The following ERBB4 variants were observed in gnomAD, a reference collection of about 807,000 sequenced individuals.
The protein encoded by ERBB4 is receptor tyrosine-protein kinase erbB-4.
Under a neutral mutation model 158.0 loss-of-function variants are expected in ERBB4, and 42 were observed. The observed-to-expected ratio is 0.27, with a 90% confidence interval of 0.21 to 0.34. ERBB4 has a LOEUF of 0.34. Ranked by LOEUF, ERBB4 falls within the 10% of genes least tolerant of loss-of-function variation. The probability of loss-of-function intolerance (pLI) is 1.00; values close to 1 mark genes in which losing one functional copy is unlikely to be tolerated. For synonymous variants in ERBB4, 583 were observed against 558.7 expected (o/e 1.04, Z -0.61); for missense variants, 1,333 against 1,624.1 (o/e 0.82, Z 3.08).
At chr2:211,859,911 T>A (rs192414764) in intron 3 of ERBB4, among the ~76,000 whole-genome samples, 1 of 152,270 alleles carries the variant, frequency 6.6e-6, no homozygotes, top group East Asian at 1.9e-4. Flanking sequence ...CTATTTCTGG[T>A]AGAAAAACCA....
intron 25 of ERBB4, among the ~76,000 whole-genome samples, chr2:211,401,552 G>A (rs1341160281): frequency 1.3e-5 from 2 of 152,074 alleles, no homozygotes; most frequent in African/African-American, 4.8e-5. Context: ...CCTTTGTAGA[G>A]AAAGTTGACA....
chr2:211,979,075 G>A (rs2081716047), intron 2 of ERBB4, among the ~76,000 whole-genome samples: 1 of 152,134 alleles, frequency 6.6e-6, no homozygotes. Flanking sequence ...CAACGTAGAT[G>A]CTCATATCAC....
At chr2:211,552,466 A>C (rs766020570) in intron 20 of ERBB4, among the ~76,000 whole-genome samples, 2 of 152,136 alleles carry the variant, frequency 1.3e-5, no homozygotes, top group Non-Finnish European at 2.9e-5. Context: ...TTAATCAGGT[A>C]ATCTGTGAAT....
intron 1 of ERBB4, among the ~76,000 whole-genome samples, chr2:212,199,284 T>G (rs1359909868): frequency 1.3e-5 from 2 of 152,210 alleles, no homozygotes; most frequent in African/African-American, 4.8e-5. Context: ...ATTGTTCTAT[T>G]TATCTATTTC....
chr2:211,476,138 A>G (rs570082588), intron 20 of ERBB4, among the ~76,000 whole-genome samples: 51 of 152,212 alleles, frequency 3.4e-4, no homozygotes, highest in African/African-American at 1.1e-3. Context: ...TTAGAACTTC[A>G]GCTGAAGAGA....
chr2:212,104,665 T>G (rs1220407019), intron 2 of ERBB4, among the ~76,000 whole-genome samples: 1 of 152,098 alleles, frequency 6.6e-6, no homozygotes, highest in Non-Finnish European at 1.5e-5. Flanking sequence ...CAAACCATGC[T>G]TAGACACTGG....
At chr2:211,577,702 G>C (rs2067933051) in intron 19 of ERBB4, among the ~76,000 whole-genome samples, 1 of 151,910 alleles carries the variant, frequency 6.6e-6, no homozygotes, top group African/African-American at 2.4e-5. Context: ...CAGATCTAAA[G>C]ACAAAAACCA....
chr2:212,439,703 G>C (rs551953686), intron 1 of ERBB4, among the ~76,000 whole-genome samples: 1 of 151,954 alleles, frequency 6.6e-6, no homozygotes, highest in Non-Finnish European at 1.5e-5. Context: ...GAAAGTTTTT[G>C]GTTTAATAAA....
At chr2:211,466,579 G>A (rs561281046) in intron 20 of ERBB4, among the ~76,000 whole-genome samples, 1 of 152,210 alleles carries the variant, frequency 6.6e-6, no homozygotes, top group South Asian at 2.1e-4. Context: ...AGTTCAGTAT[G>A]CCTGAAACAC....
intron 20 of ERBB4, among the ~76,000 whole-genome samples, chr2:211,459,587 C>A (rs2064475795): frequency 6.6e-6 from 1 of 152,122 alleles, no homozygotes; most frequent in South Asian, 2.1e-4. Flanking sequence ...GTGAATAAAT[C>A]TCACGAGGTC....
chr2:211,479,103 G>C (rs1029821064), intron 20 of ERBB4, among the ~76,000 whole-genome samples: 1 of 152,068 alleles, frequency 6.6e-6, no homozygotes, highest in African/African-American at 2.4e-5. Flanking sequence ...AATCACCTAG[G>C]AAACTTAAAG....
At chr2:211,832,442 G>A (rs2105974101) in intron 3 of ERBB4, among the ~76,000 whole-genome samples, 1 of 151,930 alleles carries the variant, frequency 6.6e-6, no homozygotes, top group African/African-American at 2.4e-5. Flanking sequence ...TTATGTATTA[G>A]CCTTTAGTCT....
At chr2:211,487,274 A>G (rs965099422) in intron 20 of ERBB4, among the ~76,000 whole-genome samples, 9 of 151,602 alleles carry the variant, frequency 5.9e-5, no homozygotes, top group African/African-American at 1.9e-4. Context: ...GAGATAGTAA[A>G]GCTTTATTTT....
intron 1 of ERBB4, among the ~76,000 whole-genome samples, chr2:212,252,066 T>C (rs1019057908): frequency 1.3e-5 from 2 of 152,010 alleles, no homozygotes; most frequent in African/African-American, 2.4e-5. Context: ...CTCAAAATGT[T>C]TGGCATGTGG....
At chr2:212,014,023 T>C (rs565249317) in intron 2 of ERBB4, among the ~76,000 whole-genome samples, 1 of 152,342 alleles carries the variant, frequency 6.6e-6, no homozygotes, top group Non-Finnish European at 1.5e-5. Context: ...CATTTCTGTG[T>C]AGAACATCAC....
chr2:212,275,343 G>A (rs1356513453), intron 1 of ERBB4, among the ~76,000 whole-genome samples: 3 of 151,802 alleles, frequency 2.0e-5, no homozygotes, highest in South Asian at 2.1e-4. Context: ...TTGAGGAATC[G>A]CCACACTGTC....
intron 1 of ERBB4, among the ~76,000 whole-genome samples, chr2:212,426,702 C>T (rs556953538): frequency 4.5e-4 from 68 of 152,172 alleles, no homozygotes; most frequent in African/African-American, 1.5e-3. Context: ...TCCACACTCT[C>T]ACACAATCAC....
chr2:211,855,508 T>C (rs1266665367), intron 3 of ERBB4, among the ~76,000 whole-genome samples: 1 of 152,190 alleles, frequency 6.6e-6, no homozygotes, highest in African/African-American at 2.4e-5. Flanking sequence ...GTCTATGGTG[T>C]GAGATTTGAA....
rs540579235 is a variant in ERBB4 at position 212,532,099 on chromosome 2, A to AT, written c.82+6349dup. Among the ~76,000 whole-genome samples, 24 of 152,114 alleles carry AT rather than the reference A, an allele frequency of 1.6e-4. 1 individual carries two copies. In the East Asian group the frequency reaches 4.1e-3, roughly 26 times the overall value. On this transcript the variant is annotated intron_variant, in intron 1 of 27. Coordinates refer to ENST00000342788, the MANE Select transcript of ERBB4 (RefSeq NM_005235.3). Reference sequence around the variant, plus strand: ...AACATAACCTTTTATTTGTTTCCTTATTTTTTTATGTGTCAGTGGTTTTTC... The same window carrying AT: ...AACATAACCTTTTATTTGTTTCCTTATTTTTTTTATGTGTCAGTGGTTTTTC...
Sources: allele counts gnomAD v4.1 joint callset (sites outside exome capture counted in the v4.1 genomes callset), GRCh38; gene constraint gnomAD v4.1.1; transcripts MANE v1.5; gene names NCBI Gene and HGNC (gene_info 2026-07-23, HGNC 2026-07-21).